NUCB2: variants seen among roughly 807,000 people sequenced by gnomAD.
The protein encoded by NUCB2 is nucleobindin-2.
Under a neutral mutation model 57.9 loss-of-function variants are expected in NUCB2, and 48 were observed. The observed-to-expected ratio is 0.83, with a 90% confidence interval of 0.66 to 1.05. The LOEUF (loss-of-function observed/expected upper bound fraction) is 1.05. Ranked by LOEUF, NUCB2 falls within the 50% of genes least tolerant of loss-of-function variation. The pLI, the probability that NUCB2 is intolerant of heterozygous loss-of-function variation, is 0.00. For synonymous variants in NUCB2, 139 were observed against 152.1 expected, an observed-to-expected ratio of 0.91 and a Z score of 0.64; for missense variants, 442 against 476.2, an observed-to-expected ratio of 0.93 and a Z score of 0.67.
chr11:17,339,306 G>A (rs974605319), intron 2 of NUCB2, among the ~76,000 whole-genome samples: 4 of 152,102 alleles, frequency 2.6e-5, no homozygotes, highest in Non-Finnish European at 4.4e-5. Flanking sequence ...TTTCAAATGA[G>A]TAATGATTTA....
intron 2 of NUCB2, among the ~76,000 whole-genome samples, chr11:17,342,103 T>C (rs191268276): frequency 1.7e-3 from 259 of 152,360 alleles, no homozygotes; most frequent in African/African-American, 6.0e-3. Flanking sequence ...TTTATTTGCA[T>C]GGAGGTGTTC....
intron 2 of NUCB2, among the ~76,000 whole-genome samples, chr11:17,293,253 CA>C (rs35448937): frequency 0.56 from 59,218 of 105,092 alleles, 13,650 homozygotes; most frequent in East Asian, 0.78. Flanking sequence ...GACTCTGTCT[CA>C]AAAAAAAAAA....
At position 17,330,358 on chromosome 11, in the gene NUCB2, GT is replaced by G; in HGVS notation, c.1173+62del. 1 of 1,302,786 alleles carries G rather than the reference GT, an allele frequency of 7.7e-7. No individual in the cohort carries two copies. Among genetic ancestry groups the G allele is most frequent in the Non-Finnish European group, 1.1e-6 (1 of 931,014 alleles). The allele number at this position is 1,302,786 out of a possible 1,614,324, so 80.7% of individuals were successfully genotyped here. On this transcript the variant is annotated intron_variant, in intron 12 of 13. Coordinates refer to ENST00000529010, the MANE Select transcript of NUCB2 (RefSeq NM_005013.4). The surrounding 1 kb of genome is among the most constrained non-coding windows in gnomAD (Gnocchi z 4.3). ...ATTTTAGGTGCTTTGTTAAAAGCCT[GT>G]GTTTTTGTAACATATTTCATTGTAC... is the stretch of plus-strand genomic sequence containing the variant.
intron 2 of NUCB2, among the ~76,000 whole-genome samples, chr11:17,342,295 G>A (rs1252586593): frequency 6.6e-6 from 1 of 152,060 alleles, no homozygotes; most frequent in Non-Finnish European, 1.5e-5. Context: ...TTTTTGAAGG[G>A]TTTTTTGTGT....
chr11:17,332,509 A>C (rs754664665), downstream of NUCB2: 1 of 148,390 alleles, frequency 6.7e-6, no homozygotes, highest in Non-Finnish European at 1.5e-5. Context: ...CCGAGAGAGA[A>C]AACACTCACC....
intron 5 of NUCB2, among the ~76,000 whole-genome samples, chr11:17,307,668 ATAATT>A (rs1947893223): frequency 6.6e-6 from 1 of 152,156 alleles, no homozygotes; most frequent in Non-Finnish European, 1.5e-5. Flanking sequence ...TGGATATACT[ATAATT>A]TATTTAGCCA....
At chr11:17,295,272 A>G (rs951937414) in intron 2 of NUCB2, 52 bp from the exon 3 acceptor site, 10 of 1,529,274 alleles carry the variant, frequency 6.5e-6, no homozygotes, top group African/African-American at 4.2e-5. Flanking sequence ...ATGCATGTAT[A>G]TAGAGTTAAA....
Position 17,330,120 on chromosome 11 carries a change from CT to C in NUCB2, c.1003-3del. On this transcript the variant is annotated splice_region_variant and splice_polypyrimidine_tract_variant and intron_variant, in intron 11 of 13. Coordinates refer to ENST00000529010, the MANE Select transcript of NUCB2 (RefSeq NM_005013.4). The surrounding 1 kb of genome is among the most constrained non-coding windows in gnomAD (Gnocchi z 4.3). Reference sequence around the variant, plus strand: ...AGATTATTCTTTCCTCATTTTTTTTCTTTTAGACATTAGATCAGCAACAGTT... The same window carrying C: ...AGATTATTCTTTCCTCATTTTTTTTCTTTAGACATTAGATCAGCAACAGTT... The C allele has an allele frequency of 7.2e-7, 1 of 1,395,390 alleles. No homozygotes were observed. The highest frequency in any genetic ancestry group is 9.8e-7 in the Non-Finnish European group (1 of 1,018,934). The allele number at this position is 1,395,390 out of a possible 1,614,324, so 86.4% of individuals were successfully genotyped here.
intron 2 of NUCB2, among the ~76,000 whole-genome samples, chr11:17,347,633 A>G (rs1029212132): frequency 2.0e-5 from 3 of 152,240 alleles, no homozygotes; most frequent in African/African-American, 4.8e-5. Flanking sequence ...TCCGTATTCA[A>G]ATTTCACCAA....
chr11:17,282,236 CTATATA>C (rs71457870), intron 1 of NUCB2, among the ~76,000 whole-genome samples: 24 of 104,098 alleles, frequency 2.3e-4, no homozygotes, highest in South Asian at 3.3e-4. Flanking sequence ...ATCTATCTAT[CTATATA>C]TATATATATA....
At chr11:17,285,149 T>C (rs191505572) in intron 2 of NUCB2, among the ~76,000 whole-genome samples, 265 of 152,244 alleles carry the variant, frequency 1.7e-3, no homozygotes, top group African/African-American at 3.9e-3. Context: ...TAAAAGAGGC[T>C]GGGCGCGGTG....
intron 4 of NUCB2, among the ~76,000 whole-genome samples, chr11:17,301,523 C>G (rs1403817068): frequency 6.6e-6 from 1 of 151,946 alleles, no homozygotes; most frequent in Non-Finnish European, 1.5e-5. Context: ...CAGGTGATTA[C>G]CCACCTCAGC....
chr11:17,347,117 T>C (rs1340677921), intron 2 of NUCB2, among the ~76,000 whole-genome samples: 1 of 152,210 alleles, frequency 6.6e-6, no homozygotes, highest in Non-Finnish European at 1.5e-5. Flanking sequence ...AATCAATATA[T>C]GTAAGAAGTA....
intron 2 of NUCB2, among the ~76,000 whole-genome samples, chr11:17,288,937 A>ACACG (rs1944390742): frequency 1.1e-5 from 1 of 93,550 alleles, no homozygotes; most frequent in Non-Finnish European, 1.9e-5. Context: ...ACACACACAC[A>ACACG]CACACACACA....
chr11:17,290,682 T>G (rs1944771343), intron 2 of NUCB2, among the ~76,000 whole-genome samples: 2 of 152,064 alleles, frequency 1.3e-5, no homozygotes, highest in Non-Finnish European at 2.9e-5. Flanking sequence ...AACAGAATTA[T>G]AAGGAAAAAG....
intron 11 of NUCB2, among the ~76,000 whole-genome samples, chr11:17,323,437 A>T (rs746843595): frequency 4.6e-5 from 7 of 152,106 alleles, no homozygotes; most frequent in Non-Finnish European, 4.4e-5. Flanking sequence ...GCCGTGATGT[A>T]TGATCTTTTT....
intron 2 of NUCB2, among the ~76,000 whole-genome samples, chr11:17,291,734 A>G (rs77581917): frequency 0.06 from 9,077 of 152,128 alleles, 312 homozygotes; most frequent in Middle Eastern, 0.099. Flanking sequence ...TTCTGCTTCC[A>G]CAGAAGCAAA....
rs539343997 is a variant in NUCB2 at position 17,299,939 on chromosome 11, T to C, written c.253-1805T>C. ...TAAAATAAAATAAAAATAAATACTT[T>C]GTTGACATATAATTCATACACCATA... On this transcript the variant is annotated intron_variant, in intron 4 of 13. Transcript: ENST00000529010. Among the ~76,000 whole-genome samples, 14 of 152,122 alleles carry C rather than the reference T, an allele frequency of 9.2e-5. No homozygotes were observed. The South Asian group carries it at 1.0e-3, about 11-fold the overall frequency.
intron 5 of NUCB2, among the ~76,000 whole-genome samples, chr11:17,307,117 T>G (rs1428979311): frequency 6.6e-6 from 1 of 152,116 alleles, no homozygotes; most frequent in East Asian, 1.9e-4. Flanking sequence ...TTGCCCAGGC[T>G]GGTCTTGAAC....
Sources: allele counts gnomAD v4.1 joint callset (sites outside exome capture counted in the v4.1 genomes callset), GRCh38; gene constraint gnomAD v4.1.1; non-coding constraint Gnocchi (gnomAD v3.1); transcripts MANE v1.5; gene names NCBI Gene and HGNC (gene_info 2026-07-23, HGNC 2026-07-21).